Variants in MDGA2 observed in about 807,000 individuals in gnomAD.
The protein encoded by MDGA2 is MAM domain containing glycosylphosphatidylinositol anchor 2.
MDGA2 carries 40 observed loss-of-function variants against 117.8 expected under a neutral mutation model. That is an observed-to-expected ratio of 0.34 (90% CI 0.26 to 0.44). The LOEUF is 0.44. MDGA2 is among the 20% of genes least tolerant of loss of function. The pLI is 1.00. For missense variants in MDGA2, 1,123 were observed against 1,250.6 expected, an observed-to-expected ratio of 0.90 and a Z score of 1.54; for synonymous variants, 452 against 439.0, an observed-to-expected ratio of 1.03 and a Z score of -0.37.
intron 8 of MDGA2, among the ~76,000 whole-genome samples, chr14:46,963,547 G>A (rs7140177): frequency 0.12 from 17,956 of 152,186 alleles, 2,015 homozygotes; most frequent in African/African-American, 0.27. Context: ...TACATGACAA[G>A]TCTTTTGTAG....
chr14:47,588,189 T>C (rs1594931504), intron 1 of MDGA2, among the ~76,000 whole-genome samples: 1 of 149,680 alleles, frequency 6.7e-6, no homozygotes, highest in African/African-American at 2.5e-5. Context: ...AACAGTCATA[T>C]ACAAATTTTG....
At chr14:47,356,237 T>A (rs1047271824) in intron 1 of MDGA2, among the ~76,000 whole-genome samples, 6 of 152,212 alleles carry the variant, frequency 3.9e-5, no homozygotes, top group Non-Finnish European at 8.8e-5. Context: ...AAGGCTCATA[T>A]AACTAAAATG....
intron 1 of MDGA2, among the ~76,000 whole-genome samples, chr14:47,563,868 T>C (rs112282630): frequency 0.025 from 3,730 of 152,194 alleles, 74 homozygotes; most frequent in Non-Finnish European, 0.039. Context: ...TTATGTACTG[T>C]ATGTGTTTTT....
intron 1 of MDGA2, among the ~76,000 whole-genome samples, chr14:47,611,248 A>T (rs1380295625): frequency 6.6e-6 from 1 of 152,184 alleles, no homozygotes; most frequent in Non-Finnish European, 1.5e-5. Flanking sequence ...CTGAAACTAT[A>T]AAAATTCTAG....
intron 3 of MDGA2, among the ~76,000 whole-genome samples, chr14:47,207,729 C>T (rs534227949): frequency 6.6e-5 from 10 of 151,952 alleles, no homozygotes; most frequent in Non-Finnish European, 1.5e-4. Flanking sequence ...ATATCTGCCT[C>T]AGCATTACCT....
At chr14:46,994,836 A>T (rs1003073665) in intron 8 of MDGA2, among the ~76,000 whole-genome samples, 2 of 152,176 alleles carry the variant, frequency 1.3e-5, no homozygotes, top group Non-Finnish European at 2.9e-5. Flanking sequence ...GGTAGTGGAA[A>T]TGCAATTAAA....
intron 2 of MDGA2, among the ~76,000 whole-genome samples, chr14:47,280,207 G>C (rs1888432788): frequency 6.7e-6 from 1 of 150,136 alleles, no homozygotes; most frequent in African/African-American, 2.5e-5. Context: ...CCAGCTACTC[G>C]GGACGCTGAG....
chr14:46,905,254 T>C (rs1454414017), intron 10 of MDGA2, among the ~76,000 whole-genome samples: 1 of 152,178 alleles, frequency 6.6e-6, no homozygotes, highest in Non-Finnish European at 1.5e-5. Context: ...AAATTTGCAA[T>C]GGTGAAATTT....
chr14:47,440,572 G>T (rs1344269306), intron 1 of MDGA2, among the ~76,000 whole-genome samples: 1 of 152,124 alleles, frequency 6.6e-6, no homozygotes, highest in Non-Finnish European at 1.5e-5. Context: ...CCAGAGAAGA[G>T]TGAAAAGAAA....
intron 15 of MDGA2, among the ~76,000 whole-genome samples, chr14:46,849,280 G>C (rs1339994870): frequency 6.6e-6 from 1 of 151,888 alleles, no homozygotes; most frequent in Admixed American, 6.6e-5. Flanking sequence ...GTCCTGTGTA[G>C]CATGTTTATT....
intron 3 of MDGA2, among the ~76,000 whole-genome samples, chr14:47,188,578 A>G (rs1884996393): frequency 6.6e-6 from 1 of 152,214 alleles, no homozygotes. Context: ...CCGGATGCAC[A>G]TAAGCTGTGA....
intron 1 of MDGA2, among the ~76,000 whole-genome samples, chr14:47,482,395 T>G (rs887629300): frequency 1.3e-5 from 2 of 152,088 alleles, no homozygotes; most frequent in Non-Finnish European, 2.9e-5. Flanking sequence ...TTTATCTTCA[T>G]ACTGGAGGAA....
At chr14:47,486,184 A>T (rs1475153375) in intron 1 of MDGA2, among the ~76,000 whole-genome samples, 1 of 152,176 alleles carries the variant, frequency 6.6e-6, no homozygotes, top group Non-Finnish European at 1.5e-5. Context: ...GACCAAGACT[A>T]TGGGAATCCA....
chr14:47,457,303 G>T (rs528825443), intron 1 of MDGA2, among the ~76,000 whole-genome samples: 52 of 152,266 alleles, frequency 3.4e-4, no homozygotes, highest in South Asian at 8.3e-4. Flanking sequence ...TATACATGCA[G>T]ATTTGTTAGA....
chr14:47,157,742 C>T (rs531246802), intron 3 of MDGA2, among the ~76,000 whole-genome samples: 1 of 151,868 alleles, frequency 6.6e-6, no homozygotes, highest in African/African-American at 2.4e-5. Flanking sequence ...GTAATTGAAT[C>T]ATAGGGACAG....
intron 1 of MDGA2, among the ~76,000 whole-genome samples, chr14:47,452,339 T>G (rs1209591466): frequency 6.6e-6 from 1 of 152,096 alleles, no homozygotes; most frequent in East Asian, 1.9e-4. Flanking sequence ...AGAAGAAACT[T>G]GAATGTGAAT....
chr14:47,023,428 A>C (rs966849353), intron 8 of MDGA2, among the ~76,000 whole-genome samples: 5 of 152,288 alleles, frequency 3.3e-5, no homozygotes, highest in Admixed American at 3.3e-4. Flanking sequence ...ACATTGTCAA[A>C]CACTGGTCTA....
At chr14:47,336,021 C>T (rs945390877) in intron 1 of MDGA2, among the ~76,000 whole-genome samples, 5 of 151,514 alleles carry the variant, frequency 3.3e-5, no homozygotes, top group African/African-American at 9.7e-5. Flanking sequence ...ATAAACCAAG[C>T]ACAGAACTTT....
At chr14:47,220,710 C>G (rs1220781834) in intron 2 of MDGA2, among the ~76,000 whole-genome samples, 1 of 152,078 alleles carries the variant, frequency 6.6e-6, no homozygotes, top group Non-Finnish European at 1.5e-5. Context: ...GATAGCCAAA[C>G]TCAATTCTAA....
Sources: allele counts gnomAD v4.1 joint callset (sites outside exome capture counted in the v4.1 genomes callset), GRCh38; gene constraint gnomAD v4.1.1; transcripts MANE v1.5; gene names NCBI Gene and HGNC (gene_info 2026-07-23, HGNC 2026-07-21).